The following ACSM1 variants were observed in gnomAD, a reference collection of about 807,000 sequenced individuals.
The protein encoded by ACSM1 is acyl-CoA synthetase medium chain family member 1.
In ACSM1, 79 loss-of-function variants were observed where a neutral mutation model predicts 75.8. The observed-to-expected ratio is 1.04, with a 90% CI of 0.87 to 1.26. ACSM1 has a LOEUF of 1.26. Ranked by LOEUF, ACSM1 falls within the 50% of genes most tolerant of loss-of-function variation. The probability of loss-of-function intolerance (pLI) is 0.00; values close to 1 mark genes in which losing one functional copy is unlikely to be tolerated. For synonymous variants in ACSM1, 279 were observed against 265.8 expected (o/e 1.05, Z -0.48); for missense variants, 676 against 720.1 (o/e 0.94, Z 0.70).
chr16:20,627,435 G>A, intron 10 of ACSM1, 119 bp from the exon 11 acceptor site: 8 of 1,225,416 alleles, frequency 6.5e-6, no homozygotes, highest in Non-Finnish European at 8.7e-6. Context: ...ACCTGGGCAA[G>A]TTTTGCCATT....
intron 4 of ACSM1, among the ~76,000 whole-genome samples, chr16:20,678,044 G>A (rs139485022): frequency 0.016 from 1,125 of 70,514 alleles, 19 homozygotes; most frequent in African/African-American, 0.098. Flanking sequence ...ATAAATAAAT[G>A]AGACAAAGAG....
chr16:20,634,655 AT>A (rs1313834367), intron 10 of ACSM1, among the ~76,000 whole-genome samples: 1 of 152,192 alleles, frequency 6.6e-6, no homozygotes, highest in Non-Finnish European at 1.5e-5. Flanking sequence ...AAATTCATAG[AT>A]TTTAAAAAGC....
chr16:20,646,865 T>G (rs760940002), intron 7 of ACSM1, among the ~76,000 whole-genome samples: 1 of 152,212 alleles, frequency 6.6e-6, no homozygotes, highest in Admixed American at 6.5e-5. Flanking sequence ...GGCCCCAAAA[T>G]TCTCCTTACC....
At chr16:20,683,715 C>CTCTTTCTT (rs55684501) in intron 3 of ACSM1, among the ~76,000 whole-genome samples, 54,437 of 136,044 alleles carry the variant, frequency 0.4, 13,056 homozygotes, top group Non-Finnish European at 0.55. Flanking sequence ...CTCTCTCTCT[C>CTCTTTCTT]TCTTTCTTTC....
At chr16:20,685,503 G>C (rs894412902) in intron 2 of ACSM1, 100 bp from the exon 3 acceptor site, 4 of 1,107,042 alleles carry the variant, frequency 3.6e-6, no homozygotes, top group South Asian at 1.3e-5. Context: ...TGTGAACACA[G>C]CTTAAGGACT....
rs1206617394 is a variant in ACSM1, at chr16:20,648,646, T to A, written c.993-8062A>T. ...CCTGCACCTGGAAGCTTCATCTGCA[T>A]AATAAAAACTTTTATTTCTACAATC... On this transcript the variant is annotated intron_variant, in intron 7 of 13. Transcript: ENST00000520010. The surrounding 1 kb of genome is among the most constrained non-coding windows in gnomAD (Gnocchi z 4.2). Among the ~76,000 whole-genome samples the A allele has an allele frequency of 6.6e-6, 1 of 152,220 alleles. No homozygotes were observed. Among genetic ancestry groups the A allele is most frequent in the Admixed American group, 6.5e-5 (1 of 15,270 alleles).
chr16:20,635,634 TTCTTTC>T (rs1367218225), intron 10 of ACSM1, among the ~76,000 whole-genome samples: 91 of 111,322 alleles, frequency 8.2e-4, no homozygotes, highest in Non-Finnish European at 1.0e-3. Context: ...CTTTCTTTCT[TTCTTTC>T]TTTCTTTCTT....
In ACSM1 at chr16:20,648,764, CT is replaced by C. The variant is rs1319404759; in HGVS notation, c.993-8181del. Among the ~76,000 whole-genome samples, 1 of 152,188 alleles carries C rather than the reference CT, an allele frequency of 6.6e-6. No individual in the cohort carries two copies. Among genetic ancestry groups the C allele is most frequent in the East Asian group, 1.9e-4 (1 of 5,190 alleles). On this transcript the variant is annotated intron_variant, in intron 7 of 13. Transcript: ENST00000520010. This position sits in a 1 kb window ranked among gnomAD's most constrained non-coding sequence, Gnocchi z 4.2. The stretch of plus-strand genomic sequence containing the variant: ...AAATCCTTCTATGACCTGGAAGCCT[CT>C]GCTTTGAGTTGTTCCACCTTTCTGG...
At chr16:20,624,021 C>T (rs1413247006) in intron 13 of ACSM1, 75 bp downstream of exon 13, 1 of 1,582,944 alleles carries the variant, frequency 6.3e-7, no homozygotes, top group East Asian at 2.3e-5. Flanking sequence ...TGTTTGTTAC[C>T]TCCAGTGATA....
chr16:20,632,966 A>T (rs1416262901), intron 10 of ACSM1, among the ~76,000 whole-genome samples: 1 of 152,216 alleles, frequency 6.6e-6, no homozygotes, highest in Non-Finnish European at 1.5e-5. Context: ...CACTTGACAA[A>T]ACTCAATACC....
At chr16:20,696,879 T>C (rs1308728145) in intron 1 of ACSM1, among the ~76,000 whole-genome samples, 1 of 152,224 alleles carries the variant, frequency 6.6e-6, no homozygotes, top group Non-Finnish European at 1.5e-5. Context: ...GATGTTTGTC[T>C]CTGTTGTCTA....
intron 7 of ACSM1, among the ~76,000 whole-genome samples, chr16:20,646,436 C>T (rs1332691853): frequency 6.6e-6 from 1 of 152,140 alleles, no homozygotes; most frequent in Non-Finnish European, 1.5e-5. Context: ...CATCACCCTC[C>T]CTAGGTATGC....
At chr16:20,674,432 A>C (rs912705275) in intron 4 of ACSM1, 5 of 170,324 alleles carry the variant, frequency 2.9e-5, no homozygotes, top group Non-Finnish European at 5.1e-5. Context: ...CTTCCCCCTG[A>C]ACAGATCTCT....
rs2018775480 is a variant in ACSM1, at chr16:20,653,635, G to A, written c.992+8159C>T. 1.3e-5 allele frequency among the ~76,000 whole-genome samples: 2 copies of A among 152,154 alleles called. 1 individual carries two copies. The highest frequency in any genetic ancestry group is 1.3e-4 in the Admixed American group (2 of 15,256). ...ATAGACAAACAGAGAGCCAAATCAT[G>A]AGTGAACTCCCATTCACAATTGCTT... On this transcript the variant is annotated intron_variant, in intron 7 of 13. Coordinates refer to ENST00000520010, the MANE Select transcript of ACSM1 (RefSeq NM_001318890.3).
chr16:20,671,460 C>T (rs1419431586), intron 5 of ACSM1, 71 bp downstream of exon 5: 5 of 1,478,016 alleles, frequency 3.4e-6, no homozygotes, highest in East Asian at 4.6e-5. Context: ...CACACACACA[C>T]ACACACACAC....
At chr16:20,635,958 C>T (rs2152208222) in intron 10 of ACSM1, among the ~76,000 whole-genome samples, 1 of 152,242 alleles carries the variant, frequency 6.6e-6, no homozygotes, top group Middle Eastern at 3.4e-3. Context: ...TTTATCCAAT[C>T]TTTAAGTTGT....
intron 7 of ACSM1, among the ~76,000 whole-genome samples, chr16:20,656,774 T>C (rs188853819): frequency 7.4e-4 from 113 of 152,132 alleles, no homozygotes; most frequent in Non-Finnish European, 1.1e-3. Context: ...GCCAAAACTA[T>C]ACAAGTTGCT....
intron 6 of ACSM1, among the ~76,000 whole-genome samples, chr16:20,666,172 GA>G (rs1036522099): frequency 1.4e-4 from 22 of 151,820 alleles, no homozygotes; most frequent in African/African-American, 5.3e-4. Context: ...TATTCAAATA[GA>G]AAAAAAGTCA....
intron 2 of ACSM1, among the ~76,000 whole-genome samples, chr16:20,685,918 T>G (rs1422106755): frequency 6.7e-6 from 1 of 149,736 alleles, no homozygotes; most frequent in African/African-American, 2.4e-5. Flanking sequence ...CCACCCTGCC[T>G]CAAGCCACAT....
Sources: allele counts gnomAD v4.1 joint callset (sites outside exome capture counted in the v4.1 genomes callset), GRCh38; gene constraint gnomAD v4.1.1; non-coding constraint Gnocchi (gnomAD v3.1); transcripts MANE v1.5; gene names NCBI Gene and HGNC (gene_info 2026-07-23, HGNC 2026-07-21).